Variants in RHCE observed in about 807,000 individuals in gnomAD.
RHCE encodes blood group Rh(CE) polypeptide.
A neutral mutation model predicts 43.8 loss-of-function variants in RHCE; 22 were observed. That is an observed-to-expected ratio of 0.50 (90% CI 0.36 to 0.72). The LOEUF (loss-of-function observed/expected upper bound fraction) is 0.72, where lower values mean the gene tolerates loss of function less well. Among genes scored for constraint, RHCE ranks in the 30% least tolerant of loss-of-function variants. The pLI is 0.00. For missense variants in RHCE, 385 were observed against 525.4 expected (o/e 0.73, Z 2.61); for synonymous variants, 156 against 210.7 (o/e 0.74, Z 2.25).
At chr1:25,381,164 C>G (rs1645985824) in intron 7 of RHCE, among the ~76,000 whole-genome samples, 1 of 152,078 alleles carries the variant, frequency 6.6e-6, no homozygotes, top group Non-Finnish European at 1.5e-5. Context: ...ACATGGGTGA[C>G]CTACGGATTT....
intron 4 of RHCE, among the ~76,000 whole-genome samples, chr1:25,391,721 T>C (rs559693781): frequency 5.4e-4 from 82 of 152,264 alleles, no homozygotes; most frequent in African/African-American, 1.9e-3. Context: ...CTCCTTTCAG[T>C]TGAAAACAAA....
chr1:25,380,459 T>C (rs921599257), intron 7 of RHCE, among the ~76,000 whole-genome samples: 2 of 151,572 alleles, frequency 1.3e-5, no homozygotes, highest in East Asian at 3.9e-4. Flanking sequence ...CATTCTGGGG[T>C]CTTGGCGGTG....
intron 2 of RHCE, among the ~76,000 whole-genome samples, chr1:25,405,917 C>A (rs1230782471): frequency 8.2e-6 from 1 of 122,646 alleles, no homozygotes; most frequent in Non-Finnish European, 1.9e-5. Context: ...ACAGCCCTGA[C>A]GGGAACCGGT....
chr1:25,412,729 A>AT (rs1647129263), intron 1 of RHCE, among the ~76,000 whole-genome samples: 1 of 150,202 alleles, frequency 6.7e-6, no homozygotes, highest in African/African-American at 2.4e-5. Flanking sequence ...AAAAAAAAAA[A>AT]AAAAAAAAAA....
At chr1:25,375,779 TTC>T (rs1201605226) in intron 7 of RHCE, among the ~76,000 whole-genome samples, 2 of 144,222 alleles carry the variant, frequency 1.4e-5, no homozygotes, top group African/African-American at 2.9e-5. Flanking sequence ...GCCTCCAGTT[TTC>T]TCTCTCTCTC....
At chr1:25,414,342 G>A (rs1309761989) in intron 1 of RHCE, among the ~76,000 whole-genome samples, 3 of 152,050 alleles carry the variant, frequency 2.0e-5, no homozygotes, top group Non-Finnish European at 4.4e-5. Flanking sequence ...AGCACCAAGA[G>A]CTCTGAAGGC....
chr1:25,402,824 C>A, intron 2 of RHCE, 78 bp from the exon 3 acceptor site: 1 of 1,572,686 alleles, frequency 6.4e-7, no homozygotes, highest in Non-Finnish European at 8.7e-7. Flanking sequence ...TTCATTCATT[C>A]AACAAACACT....
intron 2 of RHCE, among the ~76,000 whole-genome samples, chr1:25,427,633 A>G (rs902722203): frequency 6.6e-6 from 1 of 152,226 alleles, no homozygotes; most frequent in South Asian, 2.1e-4. Flanking sequence ...GGAGATGGGC[A>G]GTCCTGCTCT....
intron 7 of RHCE, among the ~76,000 whole-genome samples, chr1:25,378,592 C>G (rs1645857924): frequency 6.6e-6 from 1 of 152,206 alleles, no homozygotes; most frequent in Non-Finnish European, 1.5e-5. Context: ...CTTTCTCAGG[C>G]ATGGGAAACT....
At chr1:25,379,111 G>A in intron 7 of RHCE, among the ~76,000 whole-genome samples, 1 of 152,148 alleles carries the variant, frequency 6.6e-6, no homozygotes, top group Middle Eastern at 3.4e-3. Context: ...TCTGGAGGCT[G>A]GGAAGTCTAA....
At chr1:25,423,776 T>C (rs1446165130), upstream of RHCE, among the ~76,000 whole-genome samples, 17 of 152,138 alleles carry the variant, frequency 1.1e-4, no homozygotes, top group Non-Finnish European at 1.5e-5. Flanking sequence ...TACAGTAAAA[T>C]GTTAATTGTT....
chr1:25,397,251 C>T (rs1207484454), intron 3 of RHCE, among the ~76,000 whole-genome samples: 1 of 149,594 alleles, frequency 6.7e-6, no homozygotes, highest in African/African-American at 2.5e-5. Flanking sequence ...AATCCCAGCA[C>T]TTTGGGAGGC....
chr1:25,430,186 C>G (rs929268707), exon 1 of RHCE: 31 of 152,124 alleles, frequency 2.0e-4, no homozygotes, highest in African/African-American at 7.5e-4. Context: ...GCACACGCCC[C>G]GGGCATCTCT....
chr1:25,402,613 T>C lies in RHCE; in HGVS notation c.469A>G (p.Ile157Val), dbSNP rs1426416636. 3.7e-6 allele frequency: 6 copies of C among 1,614,122 alleles called. No individual in the cohort carries two copies. ...TGACTCACGTTGAAGATATTACTGA[T>C]GACCATCCTCAGGGTGCCTAAAGCT... Reference protein sequence around the residue: ...VTALGTLRMVISNIFNTDYHM... With the variant: ...VTALGTLRMVVSNIFNTDYHM... The change falls in exon 3 of 10, where the codon ATC (isoleucine) becomes GTC (valine). Residue 157 changes from isoleucine (I) to valine (V), a missense_variant. By Grantham distance (29) the Ile-to-Val change is conservative. Coordinates refer to ENST00000294413, the MANE Select transcript of RHCE (RefSeq NM_020485.8).
chr1:25,416,076 C>A (rs1438016722), intron 1 of RHCE, among the ~76,000 whole-genome samples: 24 of 151,290 alleles, frequency 1.6e-4, no homozygotes, highest in Non-Finnish European at 3.1e-4. Flanking sequence ...TTCAATTCTG[C>A]AAATATTTAA....
At chr1:25,386,760 T>A (rs1029084876) in intron 6 of RHCE, among the ~76,000 whole-genome samples, 1 of 151,898 alleles carries the variant, frequency 6.6e-6, no homozygotes, top group Non-Finnish European at 1.5e-5. Flanking sequence ...AGGCAGAGCT[T>A]GCAGTAAGCC....
Position 25,402,580 on chromosome 1 carries a change from C to G in RHCE, c.486+16G>C, listed in dbSNP as rs201936919. The stretch of plus-strand genomic sequence containing the variant: ...CCCTTTTCTCCCAGGTCCCTCCTCC[C>G]AGCACCATGACTCACGTTGAAGATA... On this transcript the variant is annotated intron_variant, in intron 3 of 9. Transcript: ENST00000294413. 1 of 1,613,974 alleles carries G rather than the reference C, an allele frequency of 6.2e-7. No individual in the cohort carries two copies. Among genetic ancestry groups the G allele is most frequent in the East Asian group, 2.2e-5 (1 of 44,870 alleles).
intron 1 of RHCE, chr1:25,411,217 G>A: frequency 1.6e-6 from 2 of 1,266,094 alleles, no homozygotes; most frequent in Non-Finnish European, 2.1e-6. Flanking sequence ...AGAGCCACCT[G>A]AGAGGTTTCT....
At chr1:25,416,005 G>A (rs1255664227) in intron 1 of RHCE, among the ~76,000 whole-genome samples, 1 of 151,516 alleles carries the variant, frequency 6.6e-6, no homozygotes, top group African/African-American at 2.4e-5. Context: ...CAGGTCTGGG[G>A]ACCACACTTT....
Sources: allele counts gnomAD v4.1 joint callset (sites outside exome capture counted in the v4.1 genomes callset), GRCh38; gene constraint gnomAD v4.1.1; transcripts MANE v1.5; gene names NCBI Gene and HGNC (gene_info 2026-07-23, HGNC 2026-07-21).